The following RORB variants were observed in gnomAD, a reference collection of about 807,000 sequenced individuals.
The protein encoded by RORB is nuclear receptor ROR-beta.
Under a neutral mutation model 59.1 loss-of-function variants are expected in RORB, and 6 were observed. The observed-to-expected ratio is 0.10, with a 90% CI of 0.06 to 0.20. The LOEUF (loss-of-function observed/expected upper bound fraction) is 0.20. RORB is among the 10% of genes least tolerant of loss of function. RORB has a pLI of 1.00. For synonymous variants in RORB, 215 were observed against 204.5 expected, an observed-to-expected ratio of 1.05 and a Z score of -0.44; for missense variants, 320 against 560.5, an observed-to-expected ratio of 0.57 and a Z score of 4.33.
chr9:74,600,716 T>C (rs1310900384), intron 1 of RORB, among the ~76,000 whole-genome samples: 1 of 152,214 alleles, frequency 6.6e-6, no homozygotes, highest in East Asian at 1.9e-4. Context: ...TATATTGAAA[T>C]TTTTTCTTGA....
At chr9:74,583,629 G>A (rs1360501389) in intron 1 of RORB, among the ~76,000 whole-genome samples, 2 of 151,996 alleles carry the variant, frequency 1.3e-5, no homozygotes, top group Non-Finnish European at 2.9e-5. Flanking sequence ...TTACCCCCAG[G>A]TTGATGTTCT....
At chr9:74,644,258 T>G (rs1362842183) in intron 4 of RORB, among the ~76,000 whole-genome samples, 1 of 152,178 alleles carries the variant, frequency 6.6e-6, no homozygotes, top group Non-Finnish European at 1.5e-5. Flanking sequence ...GTAACATTGT[T>G]GACAAAGCAC....
intron 1 of RORB, among the ~76,000 whole-genome samples, chr9:74,566,139 C>T (rs1042975091): frequency 3.3e-5 from 5 of 152,040 alleles, no homozygotes; most frequent in Admixed American, 6.6e-5. Flanking sequence ...TCACCTCAAA[C>T]GATGAAAGGA....
chr9:74,589,924 G>A (rs956609949), intron 1 of RORB, among the ~76,000 whole-genome samples: 1 of 152,184 alleles, frequency 6.6e-6, no homozygotes, highest in African/African-American at 2.4e-5. Flanking sequence ...TTCTGTGGTG[G>A]ATAAGAACAT....
intron 3 of RORB, among the ~76,000 whole-genome samples, chr9:74,639,345 T>C (rs986366444): frequency 2.0e-5 from 3 of 152,182 alleles, no homozygotes; most frequent in African/African-American, 4.8e-5. Context: ...CTGGGCAGGA[T>C]GCCTGCAAAG....
At chr9:74,610,042 G>T (rs1198605489) in intron 1 of RORB, among the ~76,000 whole-genome samples, 1 of 152,154 alleles carries the variant, frequency 6.6e-6, no homozygotes, top group Non-Finnish European at 1.5e-5. Context: ...CTGTACTACT[G>T]AATTTGGGCA....
Position 74,498,175 on chromosome 9 carries a change from C to T in RORB, c.7+192C>T. The T allele has an allele frequency of 4.5e-6, 3 of 670,960 alleles. No homozygotes were observed. In the South Asian group the frequency reaches 5.4e-5, roughly 12 times the overall value. The allele number at this position is 670,960 out of a possible 1,614,324, so 41.6% of individuals were successfully genotyped here. On this transcript the variant is annotated intron_variant, in intron 1 of 9. Coordinates refer to ENST00000376896, the MANE Select transcript of RORB (RefSeq NM_006914.4). ...GTTGCGGGAAGGTGTTGATGTCTTT[C>T]GGGAGTTCTGGAGGGACGCGGGAGG...
intron 1 of RORB, among the ~76,000 whole-genome samples, chr9:74,514,214 C>A (rs553965936): frequency 1.6e-3 from 236 of 152,196 alleles, no homozygotes; most frequent in African/African-American, 5.2e-3. Context: ...TAACTACCAA[C>A]CTCAGAATCA....
chr9:74,623,420 A>C (rs1823456478), intron 1 of RORB, among the ~76,000 whole-genome samples: 1 of 148,404 alleles, frequency 6.7e-6, no homozygotes, highest in Non-Finnish European at 1.5e-5. Context: ...CTTGTCAATT[A>C]GTGGCCAGAG....
chr9:74,575,100 T>A (rs1822612887), intron 1 of RORB, among the ~76,000 whole-genome samples: 1 of 152,044 alleles, frequency 6.6e-6, no homozygotes, highest in African/African-American at 2.4e-5. Context: ...CTTAAATACC[T>A]GGACTGATAC....
chr9:74,554,373 C>T (rs760530981), intron 1 of RORB, among the ~76,000 whole-genome samples: 3 of 152,124 alleles, frequency 2.0e-5, no homozygotes, highest in Non-Finnish European at 4.4e-5. Flanking sequence ...CTGTGCCCTC[C>T]TATCCTACAT....
Position 74,607,514 on chromosome 9 carries a change from A to G in RORB, c.8-22768A>G, listed in dbSNP as rs376746083. Among the ~76,000 whole-genome samples, 8 of 152,288 alleles carry G rather than the reference A, an allele frequency of 5.3e-5. No individual in the cohort carries two copies. The East Asian group carries it at 1.4e-3, about 26-fold the overall frequency. On this transcript the variant is annotated intron_variant, in intron 1 of 9. Coordinates refer to ENST00000376896, the MANE Select transcript of RORB (RefSeq NM_006914.4). The stretch of plus-strand genomic sequence containing the variant: ...TAAATGAAAACATTTCAGAAGTTAG[A>G]AATAAGTGAAATGTCCTACATTCAA...
intron 1 of RORB, chr9:74,615,648 T>A: frequency 2.2e-6 from 1 of 453,714 alleles, no homozygotes. Flanking sequence ...TGGTGAGTTT[T>A]ACATTTTCTT....
At chr9:74,667,340 T>C (rs1824283462) in intron 7 of RORB, among the ~76,000 whole-genome samples, 1 of 152,226 alleles carries the variant, frequency 6.6e-6, no homozygotes. Flanking sequence ...AAGTCCAGAA[T>C]ACCCTACATT....
Position 74,580,487 on chromosome 9 carries a change from G to A in RORB, c.8-49795G>A, listed in dbSNP as rs560248494. Among the ~76,000 whole-genome samples, 5 of 152,242 alleles carry A rather than the reference G, an allele frequency of 3.3e-5. No homozygotes were observed. In the South Asian group the frequency reaches 1.0e-3, roughly 32 times the overall value. The stretch of plus-strand genomic sequence containing the variant: ...TGCCTAGCAAACCGTGTAAGACCAA[G>A]ACAAGAGTAAAGTCTCATTGGTACA... On this transcript the variant is annotated intron_variant, in intron 1 of 9. Transcript: ENST00000376896.
intron 1 of RORB, among the ~76,000 whole-genome samples, chr9:74,512,613 G>A (rs753880722): frequency 1.3e-5 from 2 of 152,168 alleles, no homozygotes; most frequent in Non-Finnish European, 2.9e-5. Context: ...GGTCAGGAAT[G>A]CTGTTAAACA....
rs974865893 is a variant in RORB, at chr9:74,686,211, A to G, written c.*593A>G. On this transcript the variant is annotated 3_prime_UTR_variant, in exon 10 of 10. Coordinates refer to ENST00000376896, the MANE Select transcript of RORB (RefSeq NM_006914.4). Reference sequence around the variant, plus strand: ...TCAGTCAGGCTCTCTTCTATGATTTACCTTCTGTGTTATATGTTACCTTTA... The same window carrying G: ...TCAGTCAGGCTCTCTTCTATGATTTGCCTTCTGTGTTATATGTTACCTTTA... The G allele has an allele frequency of 1.3e-5, 2 of 152,602 alleles. No homozygotes were observed. Among genetic ancestry groups the G allele is most frequent in the Non-Finnish European group, 2.9e-5 (2 of 68,040 alleles). The allele number at this position is 152,602 out of a possible 1,614,324, so 9.5% of individuals were successfully genotyped here. A position where few individuals can be genotyped will look rare whatever the true frequency, so the allele number is the denominator to read the frequency against.
intron 5 of RORB, 101 bp from the exon 6 acceptor site, chr9:74,662,373 C>A: frequency 9.0e-7 from 1 of 1,114,840 alleles, no homozygotes; most frequent in Non-Finnish European, 1.3e-6. Context: ...CCTCCTTTGG[C>A]CCCAAGTGAC....
intron 1 of RORB, among the ~76,000 whole-genome samples, chr9:74,568,142 A>G (rs556451592): frequency 1.2e-4 from 18 of 152,308 alleles, no homozygotes; most frequent in African/African-American, 4.1e-4. Context: ...AAGTGGGTAC[A>G]GTTTTGACAC....
Sources: allele counts gnomAD v4.1 joint callset (sites outside exome capture counted in the v4.1 genomes callset), GRCh38; gene constraint gnomAD v4.1.1; transcripts MANE v1.5; gene names NCBI Gene and HGNC (gene_info 2026-07-23, HGNC 2026-07-21).